SPATA17: variants seen among roughly 807,000 people sequenced by gnomAD.
SPATA17 encodes spermatogenesis associated 17.
SPATA17 carries 53 observed loss-of-function variants against 62.2 expected under a neutral mutation model. That is an observed-to-expected ratio of 0.85 (90% CI 0.68 to 1.07). SPATA17 has a LOEUF of 1.07. Ranked by LOEUF, SPATA17 falls within the 50% of genes least tolerant of loss-of-function variation. The pLI is 0.00. For missense variants in SPATA17, 466 were observed against 425.5 expected, an observed-to-expected ratio of 1.10 and a Z score of -0.84; for synonymous variants, 146 against 146.8, an observed-to-expected ratio of 0.99 and a Z score of 0.04.
intron 6 of SPATA17, among the ~76,000 whole-genome samples, chr1:217,747,935 C>G (rs1390962229): frequency 6.6e-6 from 1 of 152,004 alleles, no homozygotes; most frequent in Non-Finnish European, 1.5e-5. Context: ...TTGAGGAAGC[C>G]AAAATGGTTT....
At chr1:217,847,702 AT>A (rs1675559346) in intron 9 of SPATA17, among the ~76,000 whole-genome samples, 1 of 152,154 alleles carries the variant, frequency 6.6e-6, no homozygotes, top group South Asian at 2.1e-4. Context: ...GATAAACCAC[AT>A]ATTTAGGTAT....
intron 9 of SPATA17, among the ~76,000 whole-genome samples, chr1:217,845,307 C>A (rs1675498236): frequency 6.6e-6 from 1 of 152,070 alleles, no homozygotes; most frequent in Admixed American, 6.6e-5. Context: ...GATGCATTCA[C>A]TATTTGCCAA....
intron 7 of SPATA17, among the ~76,000 whole-genome samples, chr1:217,775,396 AC>A (rs1673560967): frequency 6.6e-6 from 1 of 152,044 alleles, no homozygotes; most frequent in Non-Finnish European, 1.5e-5. Flanking sequence ...CTACTCTGTT[AC>A]AGTGTCTTGC....
At chr1:217,698,579 TA>T (rs5780991) in intron 5 of SPATA17, among the ~76,000 whole-genome samples, 57,178 of 144,830 alleles carry the variant, frequency 0.39, 11,437 homozygotes, top group Non-Finnish European at 0.47. Flanking sequence ...CATGCAGTTA[TA>T]AAAAAAAAAA....
chr1:217,807,463 A>G (rs1481297412), intron 9 of SPATA17, among the ~76,000 whole-genome samples: 1 of 152,190 alleles, frequency 6.6e-6, no homozygotes, highest in East Asian at 1.9e-4. Flanking sequence ...GGACATTCCT[A>G]AGAGAGTTTG....
At chr1:217,777,321 G>C (rs543893364) in intron 7 of SPATA17, among the ~76,000 whole-genome samples, 1 of 152,044 alleles carries the variant, frequency 6.6e-6, no homozygotes, top group African/African-American at 2.4e-5. Context: ...AAATATAATT[G>C]AAAATCTATA....
chr1:217,813,977 T>A (rs539726834), intron 9 of SPATA17, among the ~76,000 whole-genome samples: 11 of 152,208 alleles, frequency 7.2e-5, no homozygotes, highest in African/African-American at 2.6e-4. Context: ...CTTTGCTTTT[T>A]AATCTGGTTT....
At position 217,650,998 on chromosome 1, in the gene SPATA17, G is replaced by A. The variant is rs541165877; in HGVS notation, c.159-99G>A. On this transcript the variant is annotated intron_variant, in intron 2 of 10. Transcript: ENST00000366933. ...TAAAAGTGCACATAAACTTGGCTTT[G>A]AATTTGAATTCTTGAATTGTAGGAG... The A allele has an allele frequency of 1.9e-4, 165 of 882,324 alleles. No individual in the cohort carries two copies. The African/African-American group carries it at 2.7e-3, about 14-fold the overall frequency. 54.7% of individuals were successfully genotyped at this position (882,324 alleles called of 1,614,324 possible).
chr1:217,855,481 G>T (rs1675760065), intron 9 of SPATA17, among the ~76,000 whole-genome samples: 1 of 152,064 alleles, frequency 6.6e-6, no homozygotes, highest in Non-Finnish European at 1.5e-5. Flanking sequence ...AAATTTTCAT[G>T]TACATCTGCC....
At chr1:217,712,059 T>A (rs12136555) in intron 5 of SPATA17, among the ~76,000 whole-genome samples, 1 of 151,556 alleles carries the variant, frequency 6.6e-6, no homozygotes, top group Non-Finnish European at 1.5e-5. Context: ...CTCAGAATTA[T>A]TAATTTTATG....
chr1:217,817,806 G>T (rs1214056147), intron 9 of SPATA17, among the ~76,000 whole-genome samples: 1 of 151,972 alleles, frequency 6.6e-6, no homozygotes, highest in African/African-American at 2.4e-5. Context: ...ACGTCTATAG[G>T]TTAATGACTA....
chr1:217,773,554 A>G (rs4846436), intron 6 of SPATA17, among the ~76,000 whole-genome samples: 152,216 of 152,238 alleles, frequency 1, 76,097 homozygotes, highest in Non-Finnish European at 1. Context: ...TTTCAAAAAT[A>G]GACACGCTAA....
chr1:217,654,989 C>T (rs1033435881), intron 3 of SPATA17, among the ~76,000 whole-genome samples: 11 of 152,102 alleles, frequency 7.2e-5, no homozygotes, highest in East Asian at 1.9e-4. Context: ...GGATTATAGG[C>T]GTGAGCCACC....
intron 5 of SPATA17, among the ~76,000 whole-genome samples, chr1:217,711,694 A>G (rs1268466768): frequency 6.6e-6 from 1 of 152,244 alleles, no homozygotes; most frequent in Non-Finnish European, 1.5e-5. Context: ...AGAAATTAAG[A>G]GCTAGTACTT....
chr1:217,717,822 C>T (rs891928479), intron 5 of SPATA17, among the ~76,000 whole-genome samples: 17 of 152,054 alleles, frequency 1.1e-4, no homozygotes, highest in Admixed American at 6.6e-5. Context: ...CTAGAGGTTG[C>T]CAATCTGTGA....
At chr1:217,693,581 G>A in intron 5 of SPATA17, among the ~76,000 whole-genome samples, 2 of 124,708 alleles carry the variant, frequency 1.6e-5, no homozygotes, top group Non-Finnish European at 3.3e-5. Flanking sequence ...TAATTGTGAT[G>A]TTACGGTGTC....
At chr1:217,853,435 A>G (rs1004837059) in intron 9 of SPATA17, among the ~76,000 whole-genome samples, 1 of 152,128 alleles carries the variant, frequency 6.6e-6, no homozygotes, top group Non-Finnish European at 1.5e-5. Flanking sequence ...CATTTTATGT[A>G]TTCATGTTCT....
At chr1:217,720,445 A>G (rs1357651907) in intron 5 of SPATA17, among the ~76,000 whole-genome samples, 1 of 151,760 alleles carries the variant, frequency 6.6e-6, no homozygotes, top group Non-Finnish European at 1.5e-5. Context: ...TTCTTCTTCC[A>G]TTTTTTTTCT....
At chr1:217,788,832 C>T (rs920534633) in intron 8 of SPATA17, among the ~76,000 whole-genome samples, 8 of 152,102 alleles carry the variant, frequency 5.3e-5, no homozygotes, top group African/African-American at 1.9e-4. Flanking sequence ...AAGCCACCAC[C>T]AATTTTGTGG....
Sources: allele counts gnomAD v4.1 joint callset (sites outside exome capture counted in the v4.1 genomes callset), GRCh38; gene constraint gnomAD v4.1.1; transcripts MANE v1.5; gene names NCBI Gene and HGNC (gene_info 2026-07-23, HGNC 2026-07-21).